Variants in C3orf49 observed in about 807,000 individuals in gnomAD.
The protein encoded by C3orf49 is putative uncharacterized protein C3orf49.
Under a neutral mutation model 13.3 loss-of-function variants are expected in C3orf49, and 27 were observed. The ratio of observed to expected loss-of-function variants is 2.02; its 90% confidence interval spans 1.49 to 2.79. The LOEUF (loss-of-function observed/expected upper bound fraction) is 2.79. C3orf49 is among the 30% of genes most tolerant of loss of function. C3orf49 has a pLI of 0.00. For synonymous variants in C3orf49, 87 were observed against 47.6 expected, an observed-to-expected ratio of 1.83 and a Z score of -3.40; for missense variants, 242 against 134.2, an observed-to-expected ratio of 1.80 and a Z score of -3.97.
At chr3:63,787,597 G>A in the C3orf49 span, among the ~76,000 whole-genome samples, 2 of 152,088 alleles carry the variant, frequency 1.3e-5, no homozygotes, top group Non-Finnish European at 2.9e-5. Context: ...TTTAGGGAAG[G>A]TTTGGAGATG....
chr3:63,820,343 G>T (rs1454252726), intron 1 of C3orf49, among the ~76,000 whole-genome samples: 2 of 152,122 alleles, frequency 1.3e-5, no homozygotes, highest in Admixed American at 1.3e-4. Context: ...TCCGGGGGAA[G>T]CAATACAACC....
chr3:63,822,045 G>A (rs1033070425), intron 1 of C3orf49, among the ~76,000 whole-genome samples: 8 of 151,606 alleles, frequency 5.3e-5, no homozygotes, highest in Non-Finnish European at 8.8e-5. Flanking sequence ...GCGCGATCTC[G>A]GCTCACTGCA....
the C3orf49 span, among the ~76,000 whole-genome samples, chr3:63,782,269 T>G: frequency 2.4e-4 from 37 of 152,334 alleles, no homozygotes; most frequent in African/African-American, 8.4e-4. Context: ...AAGAAAACCC[T>G]TTTTAAAAAA....
chr3:63,804,937 A>G, the C3orf49 span: 3 of 152,340 alleles, frequency 2.0e-5, no homozygotes, highest in African/African-American at 7.2e-5. Flanking sequence ...AGTGGTCACC[A>G]AATTAATAAC....
chr3:63,836,489 G>T, intron 5 of C3orf49: 1 of 787,744 alleles, frequency 1.3e-6, no homozygotes, highest in Non-Finnish European at 2.1e-6. Context: ...ACTGAAAGAT[G>T]AGTATTGCCA....
chr3:63,807,310 C>G, the C3orf49 span, among the ~76,000 whole-genome samples: 2 of 152,134 alleles, frequency 1.3e-5, no homozygotes, highest in African/African-American at 4.8e-5. Flanking sequence ...GTAGGACAGT[C>G]TTTCACTCAT....
At chr3:63,835,495 G>C in intron 5 of C3orf49, 5 of 986,080 alleles carry the variant, frequency 5.1e-6, no homozygotes, top group Non-Finnish European at 7.5e-6. Context: ...AATAAAAAAA[G>C]GGCTTATAAG....
At chr3:63,792,325 T>G in the C3orf49 span, among the ~76,000 whole-genome samples, 1 of 152,256 alleles carries the variant, frequency 6.6e-6, no homozygotes, top group Non-Finnish European at 1.5e-5. Flanking sequence ...ATTAAAGCTT[T>G]TCTTAAAATC....
chr3:63,805,807 T>C, the C3orf49 span, among the ~76,000 whole-genome samples: 2 of 152,146 alleles, frequency 1.3e-5, no homozygotes, highest in South Asian at 2.1e-4. Flanking sequence ...AGTATCTCTA[T>C]TACTACTTAA....
At chr3:63,788,577 T>G in the C3orf49 span, among the ~76,000 whole-genome samples, 39 of 151,994 alleles carry the variant, frequency 2.6e-4, no homozygotes, top group African/African-American at 8.7e-4. Context: ...TGGTCTAAAA[T>G]GGAGCCCTGA....
chr3:63,816,522 G>T (rs1251526315), upstream of C3orf49, among the ~76,000 whole-genome samples: 1 of 151,612 alleles, frequency 6.6e-6, no homozygotes. Flanking sequence ...GAAGGTAGAG[G>T]TTGCAGTGAG....
Position 63,823,389 on chromosome 3 carries a change from G to A in C3orf49, c.265G>A (p.Ala89Thr), listed in dbSNP as rs568287133. Residue 89 changes from alanine to threonine, a missense_variant, in exon 2 of 7, where the codon GCT becomes ACT. Physicochemically the swap from Ala to Thr is moderately conservative, Grantham distance 58. Coordinates refer to ENST00000295896, the MANE Select transcript of C3orf49 (RefSeq NM_001355236.2). ...TAATTTGAAGACGAAAGTGAAGACT[G>A]CTTTTGGGAGGATGCTGTCCTACAA... ...KSNLKTKVKT[A>T]FGRMLSYKYR... The A allele has an allele frequency of 4.3e-6, 3 of 703,352 alleles. No homozygotes were observed. The highest frequency in any genetic ancestry group is 7.8e-6 in the Non-Finnish European group (3 of 385,102). 43.6% of individuals were successfully genotyped at this position (703,352 alleles called of 1,614,324 possible).
chr3:63,783,274 T>A, the C3orf49 span, among the ~76,000 whole-genome samples: 1 of 152,174 alleles, frequency 6.6e-6, no homozygotes, highest in African/African-American at 2.4e-5. Flanking sequence ...TAATAAAAAC[T>A]AAACCAGTTT....
At chr3:63,783,955 T>G in the C3orf49 span, among the ~76,000 whole-genome samples, 1,391 of 152,100 alleles carry the variant, frequency 9.1e-3, 23 homozygotes, top group African/African-American at 0.032. Context: ...ATATCTTTTT[T>G]TGAAAGGAGA....
At chr3:63,825,539 T>C (rs1455652105) in intron 2 of C3orf49, among the ~76,000 whole-genome samples, 1 of 152,206 alleles carries the variant, frequency 6.6e-6, no homozygotes, top group African/African-American at 2.4e-5. Context: ...TTTCTACTCC[T>C]AATCTGTGCA....
chr3:63,837,898 C>T, intron 5 of C3orf49: 3 of 1,313,496 alleles, frequency 2.3e-6, no homozygotes, highest in Non-Finnish European at 3.1e-6. Context: ...GCAGATTTTA[C>T]CTCACAACAT....
the C3orf49 span, among the ~76,000 whole-genome samples, chr3:63,788,521 A>G: frequency 6.6e-6 from 1 of 152,174 alleles, no homozygotes; most frequent in Non-Finnish European, 1.5e-5. Context: ...ATAAGGAAAG[A>G]AAGGACAGGA....
At chr3:63,844,306 G>C (rs1207347164) in intron 5 of C3orf49, among the ~76,000 whole-genome samples, 2 of 152,222 alleles carry the variant, frequency 1.3e-5, no homozygotes, top group Non-Finnish European at 2.9e-5. Context: ...GGTGACTATA[G>C]TTAATGATGA....
At chr3:63,818,029 A>G (rs570279766), upstream of C3orf49, among the ~76,000 whole-genome samples, 36 of 152,278 alleles carry the variant, frequency 2.4e-4, no homozygotes, top group Admixed American at 4.6e-4. Context: ...ATGAGGAAAA[A>G]CAGACCAGGG....
Sources: allele counts gnomAD v4.1 joint callset (sites outside exome capture counted in the v4.1 genomes callset), GRCh38; gene constraint gnomAD v4.1.1; transcripts MANE v1.5; gene names NCBI Gene and HGNC (gene_info 2026-07-23, HGNC 2026-07-21).